TLK1: variants seen among roughly 807,000 people sequenced by gnomAD.
TLK1 encodes the protein tousled like kinase 1, also known as serine/threonine-protein kinase tousled-like 1.
In TLK1, 24 loss-of-function variants were observed where a neutral mutation model predicts 105.3. The ratio of observed to expected loss-of-function variants is 0.23; its 90% CI spans 0.17 to 0.32. The LOEUF is 0.32. Among genes scored for constraint, TLK1 ranks in the 10% least tolerant of loss-of-function variants. The pLI is 1.00. For missense variants in TLK1, 558 were observed against 910.5 expected, an observed-to-expected ratio of 0.61 and a Z score of 4.98; for synonymous variants, 321 against 310.4, an observed-to-expected ratio of 1.03 and a Z score of -0.36.
intron 2 of TLK1, among the ~76,000 whole-genome samples, chr2:171,109,109 T>C (rs1408055392): frequency 6.6e-6 from 1 of 152,162 alleles, no homozygotes; most frequent in Non-Finnish European, 1.5e-5. Context: ...AGTTAAATAT[T>C]TTAATACATC....
At chr2:171,212,310 C>T (rs1250804792) in intron 1 of TLK1, among the ~76,000 whole-genome samples, 1 of 148,870 alleles carries the variant, frequency 6.7e-6, no homozygotes, top group Admixed American at 6.7e-5. Flanking sequence ...ACCTCCCCCA[C>T]CGCCCCCAAG....
At chr2:171,110,530 T>C (rs982764466) in intron 2 of TLK1, among the ~76,000 whole-genome samples, 1 of 152,198 alleles carries the variant, frequency 6.6e-6, no homozygotes, top group Non-Finnish European at 1.5e-5. Context: ...CAGAATACTA[T>C]TTAGCATTCA....
chr2:171,222,476 G>A (rs368486980), intron 1 of TLK1, among the ~76,000 whole-genome samples: 7 of 152,162 alleles, frequency 4.6e-5, no homozygotes, highest in East Asian at 1.9e-4. Context: ...AACCAAAGGC[G>A]CACATCACCA....
intron 1 of TLK1, among the ~76,000 whole-genome samples, chr2:171,175,079 A>T (rs1397935232): frequency 6.6e-6 from 1 of 152,088 alleles, no homozygotes; most frequent in African/African-American, 2.4e-5. Flanking sequence ...AAAATGGATA[A>T]AATCAGCCCC....
intron 11 of TLK1, among the ~76,000 whole-genome samples, chr2:171,042,860 T>G (rs188918770): frequency 2.0e-5 from 3 of 151,932 alleles, no homozygotes; most frequent in African/African-American, 7.3e-5. Context: ...ATTTAGAGAA[T>G]TGAAAAAGTT....
At chr2:171,009,489 A>C (rs1319197403) in intron 14 of TLK1, among the ~76,000 whole-genome samples, 1 of 151,576 alleles carries the variant, frequency 6.6e-6, no homozygotes, top group Non-Finnish European at 1.5e-5. Flanking sequence ...TTGTATTTTT[A>C]GTAGAAACGG....
At chr2:171,101,730 C>T (rs2105506074) in intron 2 of TLK1, among the ~76,000 whole-genome samples, 1 of 152,200 alleles carries the variant, frequency 6.6e-6, no homozygotes, top group South Asian at 2.1e-4. Flanking sequence ...ATCATTCATG[C>T]AAACACTCAT....
At chr2:171,080,011 A>G (rs569927020) in intron 3 of TLK1, among the ~76,000 whole-genome samples, 1 of 152,218 alleles carries the variant, frequency 6.6e-6, no homozygotes, top group South Asian at 2.1e-4. Flanking sequence ...TAAGGGTGGT[A>G]GGAGAAAGCA....
chr2:171,058,057 T>C lies in TLK1; in HGVS notation c.453+94A>G, dbSNP rs551484887. The C allele has an allele frequency of 1.3e-5, 17 of 1,310,826 alleles. No homozygotes were observed. The Admixed American group carries it at 1.8e-4, about 14-fold the overall frequency. 81.2% of individuals were successfully genotyped at this position (1,310,826 alleles called of 1,614,324 possible). ...AGCTCTGCTCTAATCAAGTAAGTAA[T>C]CAAAAGCTGACCTTGTGCTTCTAAG... On this transcript the variant is annotated intron_variant, in intron 5 of 20. Transcript: ENST00000431350.
chr2:171,002,111 G>C (rs1456137533), intron 18 of TLK1, among the ~76,000 whole-genome samples: 1 of 151,898 alleles, frequency 6.6e-6, no homozygotes, highest in Non-Finnish European at 1.5e-5. Context: ...GGGAACTCTT[G>C]GTTGGCGGGA....
intron 1 of TLK1, among the ~76,000 whole-genome samples, chr2:171,167,417 C>T (rs1028838806): frequency 5.3e-5 from 8 of 152,124 alleles, no homozygotes; most frequent in African/African-American, 1.4e-4. Context: ...AATCTCAACA[C>T]GCCCCCTCAA....
chr2:171,015,686 CAT>C (rs1559343511), intron 12 of TLK1, among the ~76,000 whole-genome samples: 20 of 23,970 alleles, frequency 8.3e-4, no homozygotes, highest in Non-Finnish European at 1.4e-3. Flanking sequence ...GTCATTCATT[CAT>C]ACACACACAC....
intron 1 of TLK1, among the ~76,000 whole-genome samples, chr2:171,137,504 C>T (rs1442946764): frequency 1.3e-5 from 2 of 152,086 alleles, no homozygotes; most frequent in South Asian, 2.1e-4. Flanking sequence ...CAGGCACATG[C>T]ACATATGCCT....
intron 1 of TLK1, among the ~76,000 whole-genome samples, chr2:171,129,060 T>C (rs1012227652): frequency 6.6e-6 from 1 of 152,160 alleles, no homozygotes; most frequent in East Asian, 1.9e-4. Context: ...TAAGAAGGAA[T>C]GTTCTCTAAG....
intron 8 of TLK1, among the ~76,000 whole-genome samples, chr2:171,051,392 T>C (rs1687229154): frequency 6.6e-6 from 1 of 152,042 alleles, no homozygotes; most frequent in Non-Finnish European, 1.5e-5. Flanking sequence ...GGATGGTTAA[T>C]GAGATGCAAG....
intron 1 of TLK1, among the ~76,000 whole-genome samples, chr2:171,215,237 ACTCT>A: frequency 6.6e-6 from 1 of 151,618 alleles, no homozygotes; most frequent in African/African-American, 2.4e-5. Context: ...CGCCGTGCCC[ACTCT>A]CTCTCTCAAC....
At chr2:171,046,396 C>A in intron 10 of TLK1, 34 bp from the exon 11 acceptor site, 1 of 1,521,884 alleles carries the variant, frequency 6.6e-7, no homozygotes, top group Non-Finnish European at 8.8e-7. Context: ...ACCATATTAA[C>A]CTTCCATTAC....
chr2:171,156,228 G>A (rs1692227968), intron 1 of TLK1, among the ~76,000 whole-genome samples: 1 of 152,112 alleles, frequency 6.6e-6, no homozygotes, highest in South Asian at 2.1e-4. Context: ...ACAGACTGAA[G>A]GCAGACAAAA....
chr2:171,130,177 G>A (rs577934606), intron 1 of TLK1, among the ~76,000 whole-genome samples: 1 of 152,288 alleles, frequency 6.6e-6, no homozygotes, highest in South Asian at 2.1e-4. Flanking sequence ...GCTGAGGCGG[G>A]CAGATCACAA....
Sources: gnomAD v4.1 joint callset for allele counts (sites outside exome capture counted in the v4.1 genomes callset) on GRCh38, gnomAD v4.1.1 for gene constraint, MANE v1.5 for transcripts, NCBI Gene and HGNC (gene_info 2026-07-23, HGNC 2026-07-21) for gene names.